Variants in PARD3 observed in about 807,000 individuals in gnomAD.
PARD3 encodes par-3 family cell polarity regulator, also known as partitioning defective 3 homolog.
Under a neutral mutation model 155.4 loss-of-function variants are expected in PARD3, and 75 were observed. That is an observed-to-expected ratio of 0.48 (90% CI 0.40 to 0.58). The LOEUF is 0.58. Among genes scored for constraint, PARD3 ranks in the 20% least tolerant of loss-of-function variants. The pLI is 0.00. For missense variants in PARD3, 1,642 were observed against 1,721.7 expected (o/e 0.95, Z 0.82); for synonymous variants, 576 against 610.5 (o/e 0.94, Z 0.83).
chr10:34,606,963 C>CT (rs1315533544), intron 2 of PARD3, among the ~76,000 whole-genome samples: 1 of 54,474 alleles, frequency 1.8e-5, no homozygotes, highest in Non-Finnish European at 3.6e-5. Flanking sequence ...GAGACTCTGT[C>CT]TTAAAAAAAA....
At chr10:34,179,472 C>A (rs2133183749) in intron 22 of PARD3, among the ~76,000 whole-genome samples, 1 of 152,290 alleles carries the variant, frequency 6.6e-6, no homozygotes, top group African/African-American at 2.4e-5. Flanking sequence ...TAAATCAACT[C>A]AAAATGTAAA....
intron 20 of PARD3, among the ~76,000 whole-genome samples, chr10:34,298,633 G>A (rs558422996): frequency 1.6e-4 from 25 of 152,302 alleles, no homozygotes; most frequent in African/African-American, 5.3e-4. Context: ...ACAGAGTTTC[G>A]CAAGACGAAA....
At chr10:34,566,603 G>A (rs1283988858) in intron 2 of PARD3, among the ~76,000 whole-genome samples, 3 of 152,038 alleles carry the variant, frequency 2.0e-5, no homozygotes, top group Non-Finnish European at 1.5e-5. Flanking sequence ...CCACCCTCCC[G>A]CAAAAAAGCA....
intron 22 of PARD3, among the ~76,000 whole-genome samples, chr10:34,163,151 T>C (rs1269422640): frequency 1.3e-5 from 2 of 152,174 alleles, no homozygotes; most frequent in Non-Finnish European, 2.9e-5. Flanking sequence ...ATACCCTTGG[T>C]AGGACTTAGA....
chr10:34,568,856 T>C (rs2086165775), intron 2 of PARD3, among the ~76,000 whole-genome samples: 1 of 152,218 alleles, frequency 6.6e-6, no homozygotes, highest in African/African-American at 2.4e-5. Flanking sequence ...TTTCTAATAA[T>C]ACTGAATATG....
At chr10:34,471,487 T>G (rs2078341085) in intron 3 of PARD3, among the ~76,000 whole-genome samples, 1 of 152,250 alleles carries the variant, frequency 6.6e-6, no homozygotes, top group Non-Finnish European at 1.5e-5. Context: ...AAATTATGTT[T>G]AGAATACTCT....
intron 2 of PARD3, among the ~76,000 whole-genome samples, chr10:34,572,978 T>C (rs943112390): frequency 1.3e-5 from 2 of 152,212 alleles, no homozygotes; most frequent in Non-Finnish European, 2.9e-5. Context: ...GTTGTCTACC[T>C]TACATATTTT....
At chr10:34,622,356 A>G (rs1473084551) in intron 2 of PARD3, among the ~76,000 whole-genome samples, 3 of 152,246 alleles carry the variant, frequency 2.0e-5, no homozygotes, top group Non-Finnish European at 4.4e-5. Context: ...TCAAAGCCTC[A>G]AGATACCATA....
At chr10:34,322,924 T>C (rs1004996417) in intron 19 of PARD3, among the ~76,000 whole-genome samples, 15 of 152,132 alleles carry the variant, frequency 9.9e-5, no homozygotes, top group Non-Finnish European at 1.5e-5. Flanking sequence ...AATGTAAAAA[T>C]TCTACACAGG....
intron 2 of PARD3, among the ~76,000 whole-genome samples, chr10:34,650,285 T>C (rs955987674): frequency 3.3e-5 from 5 of 152,202 alleles, no homozygotes; most frequent in Non-Finnish European, 7.3e-5. Flanking sequence ...CAAAGACACC[T>C]AAGGACTGCA....
At chr10:34,754,187 G>A (rs555386350) in intron 1 of PARD3, among the ~76,000 whole-genome samples, 4 of 152,176 alleles carry the variant, frequency 2.6e-5, no homozygotes, top group Admixed American at 6.5e-5. Flanking sequence ...TTTACTTTTC[G>A]TAGAGATGGG....
intron 2 of PARD3, among the ~76,000 whole-genome samples, chr10:34,564,529 C>T (rs2085767942): frequency 6.6e-6 from 1 of 152,172 alleles, no homozygotes; most frequent in African/African-American, 2.4e-5. Context: ...GTTTCCAGCT[C>T]AGGTAGCTGG....
chr10:34,647,619 C>G (rs922170037), intron 2 of PARD3, among the ~76,000 whole-genome samples: 2 of 152,164 alleles, frequency 1.3e-5, no homozygotes, highest in Non-Finnish European at 2.9e-5. Context: ...CACCTTTTCT[C>G]GATGCAGTCA....
At chr10:34,127,490 T>TCAA (rs1178200901) in intron 23 of PARD3, among the ~76,000 whole-genome samples, 6 of 152,314 alleles carry the variant, frequency 3.9e-5, no homozygotes, top group Admixed American at 2.0e-4. Context: ...TTTTATCAGT[T>TCAA]CTACTGGAGA....
chr10:34,119,001 CTTT>C (rs1409466841), intron 24 of PARD3, among the ~76,000 whole-genome samples: 1 of 152,156 alleles, frequency 6.6e-6, no homozygotes, highest in Non-Finnish European at 1.5e-5. Flanking sequence ...CCTTGCAGGC[CTTT>C]GTCGGAGAAC....
At chr10:34,561,411 T>C (rs2085458204) in intron 2 of PARD3, among the ~76,000 whole-genome samples, 1 of 152,216 alleles carries the variant, frequency 6.6e-6, no homozygotes, top group Admixed American at 6.5e-5. Flanking sequence ...TTTATCTTTA[T>C]ACAAAGTCAT....
intron 1 of PARD3, among the ~76,000 whole-genome samples, chr10:34,730,541 T>G (rs2094798273): frequency 6.6e-6 from 1 of 152,196 alleles, no homozygotes; most frequent in South Asian, 2.1e-4. Context: ...CCCTACACTT[T>G]GGGAGGCCCA....
At chr10:34,765,452 T>A (rs188665651) in intron 1 of PARD3, among the ~76,000 whole-genome samples, 235 of 151,646 alleles carry the variant, frequency 1.5e-3, no homozygotes, top group African/African-American at 4.8e-3. Context: ...CTGAGGCGGG[T>A]AGATCACCTG....
intron 5 of PARD3, among the ~76,000 whole-genome samples, chr10:34,425,835 A>G (rs2075573297): frequency 6.6e-6 from 1 of 152,116 alleles, no homozygotes; most frequent in African/African-American, 2.4e-5. Flanking sequence ...TATTCACCCA[A>G]AGCAGCTTTA....
Sources: gnomAD v4.1 joint callset for allele counts (sites outside exome capture counted in the v4.1 genomes callset) on GRCh38, gnomAD v4.1.1 for gene constraint, MANE v1.5 for transcripts, NCBI Gene and HGNC (gene_info 2026-07-23, HGNC 2026-07-21) for gene names.